SPSB4: variants seen among roughly 807,000 people sequenced by gnomAD.
The protein encoded by SPSB4 is splA/ryanodine receptor domain and SOCS box containing 4.
In SPSB4, 21 loss-of-function variants were observed where a neutral mutation model predicts 20.9. The ratio of observed to expected loss-of-function variants is 1.01; its 90% CI spans 0.71 to 1.45. The LOEUF (loss-of-function observed/expected upper bound fraction) is 1.45, where lower values mean the gene tolerates loss of function less well. Ranked by LOEUF, SPSB4 falls within the 40% of genes most tolerant of loss-of-function variation. The probability of loss-of-function intolerance (pLI) is 0.00; values close to 1 mark genes in which losing one functional copy is unlikely to be tolerated. For synonymous variants in SPSB4, 207 were observed against 183.8 expected (o/e 1.13, Z -1.02); for missense variants, 399 against 399.2 (o/e 1.00, Z 0.00).
intron 2 of SPSB4, among the ~76,000 whole-genome samples, chr3:141,099,034 T>A (rs2107794609): frequency 6.6e-6 from 1 of 152,298 alleles, no homozygotes. Flanking sequence ...AACCCACTCC[T>A]ATAGTAACAG....
Position 141,066,008 on chromosome 3 carries a change from C to A in SPSB4, c.-97C>A. On this transcript the variant is annotated 5_prime_UTR_variant, in exon 2 of 3. Coordinates refer to ENST00000310546, the MANE Select transcript of SPSB4 (RefSeq NM_080862.3). Reference sequence around the variant, plus strand: ...GCTGTGGAGGTCTACCGTCCGGAAGCCTGGTTCCCAGCCCCGTGGCCCATT... The same window carrying A: ...GCTGTGGAGGTCTACCGTCCGGAAGACTGGTTCCCAGCCCCGTGGCCCATT... 8.6e-7 allele frequency: 1 copy of A among 1,168,956 alleles called. No individual in the cohort carries two copies. The highest frequency in any genetic ancestry group is 1.1e-6 in the Non-Finnish European group (1 of 876,836). The allele number at this position is 1,168,956 out of a possible 1,614,324, so 72.4% of individuals were successfully genotyped here. A position where few individuals can be genotyped will look rare whatever the true frequency, so the allele number is the denominator to read the frequency against.
chr3:141,143,906 T>G (rs749107648), intron 2 of SPSB4, among the ~76,000 whole-genome samples: 3 of 152,242 alleles, frequency 2.0e-5, no homozygotes, highest in Non-Finnish European at 4.4e-5. Flanking sequence ...TGAGTCCTCA[T>G]TTTTACATTA....
At chr3:141,096,355 A>T (rs975267115) in intron 2 of SPSB4, among the ~76,000 whole-genome samples, 3 of 152,164 alleles carry the variant, frequency 2.0e-5, no homozygotes, top group Non-Finnish European at 4.4e-5. Flanking sequence ...TCTGGACCTT[A>T]TACTTCTTTT....
chr3:141,065,450 C>A (rs1334552221), intron 1 of SPSB4, among the ~76,000 whole-genome samples: 1 of 152,248 alleles, frequency 6.6e-6, no homozygotes, highest in East Asian at 1.9e-4. Flanking sequence ...CAGCTGTGTG[C>A]CCCCCAGCCT....
intron 2 of SPSB4, among the ~76,000 whole-genome samples, chr3:141,144,389 C>T (rs1428284602): frequency 2.0e-5 from 3 of 152,178 alleles, no homozygotes; most frequent in African/African-American, 7.2e-5. Flanking sequence ...AGAATAGCTC[C>T]CATACTGGAA....
intron 2 of SPSB4, among the ~76,000 whole-genome samples, chr3:141,110,853 C>T (rs988397775): frequency 1.3e-5 from 2 of 152,228 alleles, no homozygotes; most frequent in African/African-American, 4.8e-5. Flanking sequence ...TATTTGAGAA[C>T]AACCACATTG....
At chr3:141,094,150 G>A (rs1302890181) in intron 2 of SPSB4, among the ~76,000 whole-genome samples, 2 of 152,206 alleles carry the variant, frequency 1.3e-5, no homozygotes, top group East Asian at 1.9e-4. Context: ...TCAGTGGTCT[G>A]CCCTGAGGCT....
At position 141,082,834 on chromosome 3, in the gene SPSB4, G is replaced by C. The variant is rs1938264723; in HGVS notation, c.694+16036G>C. On this transcript the variant is annotated intron_variant, in intron 2 of 2. Transcript: ENST00000310546. ...AGCGTCCCTTTCAGAATGTCCTGAG[G>C]GCTCTTTTCTTCCCCTGCTGTCTTC... Among the ~76,000 whole-genome samples the C allele has an allele frequency of 2.0e-5, 3 of 152,186 alleles. 1 individual carries two copies. The highest frequency in any genetic ancestry group is 7.2e-5 in the African/African-American group (3 of 41,426).
chr3:141,066,835 G>A (rs1373751262), intron 2 of SPSB4, 37 bp downstream of exon 2: 1 of 1,494,660 alleles, frequency 6.7e-7, no homozygotes, highest in African/African-American at 1.4e-5. Context: ...GGCTTTCAGA[G>A]GCTGCCAGGC....
At chr3:141,122,883 A>G (rs147167698) in intron 2 of SPSB4, among the ~76,000 whole-genome samples, 216 of 152,294 alleles carry the variant, frequency 1.4e-3, no homozygotes, top group African/African-American at 4.6e-3. Context: ...GAAATCCTCC[A>G]ACCCTTGTGC....
intron 2 of SPSB4, chr3:141,076,982 G>C (rs1938125198): frequency 6.6e-6 from 1 of 152,202 alleles, no homozygotes; most frequent in South Asian, 2.1e-4. Flanking sequence ...TTAAGTGAGC[G>C]GGGAGAGCCA....
chr3:141,102,666 G>T (rs2107795675), intron 2 of SPSB4, among the ~76,000 whole-genome samples: 1 of 152,220 alleles, frequency 6.6e-6, no homozygotes, highest in East Asian at 1.9e-4. Flanking sequence ...AAGCTGGAGA[G>T]GCAGGCAGGG....
chr3:141,066,245 G>GT lies in SPSB4; in HGVS notation c.141_142insT (p.Leu48SerfsTer89), dbSNP rs770981007. 1 of 1,534,808 alleles carries GT rather than the reference G, an allele frequency of 6.5e-7. No individual in the cohort carries two copies. Among genetic ancestry groups the GT allele is most frequent in the South Asian group, 1.2e-5 (1 of 80,956 alleles). On this transcript the variant is annotated frameshift_variant, in exon 2 of 3. Coordinates refer to ENST00000310546, the MANE Select transcript of SPSB4 (RefSeq NM_080862.3). LOFTEE classifies it high-confidence loss of function. ...AGCTGTTGGACATGCCAGCGGCGGGGCTGGCTGTGCAGCTGCGGCACGCGT... is the reference window on the plus strand; with the variant it reads ...AGCTGTTGGACATGCCAGCGGCGGGGTCTGGCTGTGCAGCTGCGGCACGCGT...
intron 2 of SPSB4, among the ~76,000 whole-genome samples, chr3:141,089,004 C>T (rs1180371262): frequency 1.3e-5 from 2 of 152,162 alleles, no homozygotes; most frequent in Non-Finnish European, 2.9e-5. Context: ...AGAGTACAAA[C>T]GGGGCCACAC....
chr3:141,078,094 G>A (rs910865479), intron 2 of SPSB4, among the ~76,000 whole-genome samples: 8 of 152,234 alleles, frequency 5.3e-5, no homozygotes, highest in Non-Finnish European at 8.8e-5. Flanking sequence ...TCCTGTGAGT[G>A]TCTGATGGGC....
At chr3:141,089,858 G>C (rs1938417040) in intron 2 of SPSB4, among the ~76,000 whole-genome samples, 2 of 152,186 alleles carry the variant, frequency 1.3e-5, no homozygotes, top group Non-Finnish European at 2.9e-5. Flanking sequence ...CAGCTAGGGT[G>C]ACCTTGGGAA....
chr3:141,092,723 G>C (rs1212528342), intron 2 of SPSB4, among the ~76,000 whole-genome samples: 2 of 152,236 alleles, frequency 1.3e-5, no homozygotes, highest in Non-Finnish European at 2.9e-5. Flanking sequence ...AGCAGCCTGG[G>C]CACTGTCCCA....
chr3:141,105,799 T>G (rs993399426), intron 2 of SPSB4, among the ~76,000 whole-genome samples: 1 of 152,338 alleles, frequency 6.6e-6, no homozygotes, highest in Non-Finnish European at 1.5e-5. Flanking sequence ...TAAAATAGAT[T>G]AAAGTTTTAA....
intron 2 of SPSB4, among the ~76,000 whole-genome samples, chr3:141,111,948 G>A (rs1938803798): frequency 6.6e-6 from 1 of 152,150 alleles, no homozygotes; most frequent in Non-Finnish European, 1.5e-5. Context: ...TCCACTCTGA[G>A]CAGCTTCCCG....
Sources: allele counts gnomAD v4.1 joint callset (sites outside exome capture counted in the v4.1 genomes callset), GRCh38; gene constraint gnomAD v4.1.1; transcripts MANE v1.5; gene names NCBI Gene and HGNC (gene_info 2026-07-23, HGNC 2026-07-21).